The following OR51B5 variants were observed in gnomAD, a reference collection of about 807,000 sequenced individuals.
The protein encoded by OR51B5 is olfactory receptor family 51 subfamily B member 5, also known as olfactory receptor 51B5.
For synonymous variants in OR51B5, 186 were observed against 144.8 expected (o/e 1.28, Z -2.04); for missense variants, 456 against 374.6 (o/e 1.22, Z -1.79).
intron 1 of OR51B5, among the ~76,000 whole-genome samples, chr11:5,442,866 T>C (rs768825888): frequency 2.0e-5 from 3 of 152,176 alleles, no homozygotes; most frequent in Non-Finnish European, 4.4e-5. Flanking sequence ...CTAATTCACT[T>C]GATCTTCTTG....
intron 1 of OR51B5, among the ~76,000 whole-genome samples, chr11:5,374,374 G>T (rs150740845): frequency 6.6e-6 from 1 of 152,068 alleles, no homozygotes; most frequent in African/African-American, 2.4e-5. Flanking sequence ...CAACCACAAA[G>T]TTGGGGAAAA....
chr11:5,416,079 T>C (rs1179956395), intron 1 of OR51B5, among the ~76,000 whole-genome samples: 1 of 149,316 alleles, frequency 6.7e-6, no homozygotes, highest in Non-Finnish European at 1.5e-5. Context: ...TTATCCACCA[T>C]GATCAAGTGG....
chr11:5,443,876 C>G (rs1451203667), intron 1 of OR51B5, among the ~76,000 whole-genome samples: 3 of 152,064 alleles, frequency 2.0e-5, no homozygotes, highest in Non-Finnish European at 2.9e-5. Context: ...CACACACACA[C>G]ACAGTCACTC....
intron 1 of OR51B5, among the ~76,000 whole-genome samples, chr11:5,371,405 T>C (rs953702358): frequency 1.3e-5 from 2 of 152,058 alleles, no homozygotes; most frequent in African/African-American, 4.8e-5. Flanking sequence ...GCCGGAGATA[T>C]AAAATTTCAA....
chr11:5,413,601 G>T (rs1384578848), intron 1 of OR51B5, among the ~76,000 whole-genome samples: 1 of 152,182 alleles, frequency 6.6e-6, no homozygotes, highest in Non-Finnish European at 1.5e-5. Flanking sequence ...AGCTGATGGA[G>T]CTGAAAGCCA....
intron 1 of OR51B5, among the ~76,000 whole-genome samples, chr11:5,483,367 GGA>G (rs1384812538): frequency 6.0e-5 from 6 of 99,528 alleles, no homozygotes; most frequent in Non-Finnish European, 1.1e-4. Flanking sequence ...TGGGGTGGGG[GGA>G]GGGGGGAGGG....
intron 1 of OR51B5, among the ~76,000 whole-genome samples, chr11:5,434,544 C>A (rs564008845): frequency 3.1e-4 from 47 of 152,272 alleles, no homozygotes; most frequent in Non-Finnish European, 5.6e-4. Flanking sequence ...ATTATCTCTC[C>A]TGAAGATCCT....
intron 1 of OR51B5, chr11:5,430,608 C>T (rs1025154264): frequency 1.9e-5 from 8 of 411,570 alleles, no homozygotes; most frequent in East Asian, 1.4e-4. Flanking sequence ...GAAACATTAT[C>T]GGAATTTATG....
At chr11:5,400,960 G>A (rs556474945) in intron 1 of OR51B5, among the ~76,000 whole-genome samples, 6 of 152,330 alleles carry the variant, frequency 3.9e-5, no homozygotes, top group African/African-American at 7.2e-5. Flanking sequence ...ATGTTTGTTC[G>A]TGTGTGAATA....
chr11:5,346,262 C>A (rs1848988772), upstream of OR51B5: 1 of 152,080 alleles, frequency 6.6e-6, no homozygotes, highest in Admixed American at 6.6e-5. Flanking sequence ...GCAGACATAC[C>A]TGGTAATGCA....
At chr11:5,386,530 C>T (rs1250328671) in intron 1 of OR51B5, among the ~76,000 whole-genome samples, 2 of 152,166 alleles carry the variant, frequency 1.3e-5, no homozygotes, top group African/African-American at 4.8e-5. Context: ...ATAAATTGGA[C>T]TATCACCACA....
chr11:5,433,731 C>G (rs1850561326), intron 1 of OR51B5, among the ~76,000 whole-genome samples: 1 of 151,984 alleles, frequency 6.6e-6, no homozygotes, highest in Non-Finnish European at 1.5e-5. Context: ...ACTTGGGAAG[C>G]TGAAGCAGAA....
chr11:5,435,960 G>T (rs1850586693), intron 1 of OR51B5, among the ~76,000 whole-genome samples: 1 of 152,070 alleles, frequency 6.6e-6, no homozygotes, highest in African/African-American at 2.4e-5. Flanking sequence ...GGTTCATCCT[G>T]TCCTTCTCAA....
chr11:5,488,856 G>C (rs1851534350), intron 1 of OR51B5: 3 of 1,613,990 alleles, frequency 1.9e-6, no homozygotes, highest in East Asian at 2.2e-5. Context: ...CCCTCATCCT[G>C]GTCATTGCCA....
intron 1 of OR51B5, among the ~76,000 whole-genome samples, chr11:5,356,031 CA>C (rs891746137): frequency 4.0e-5 from 6 of 151,764 alleles, no homozygotes. Flanking sequence ...TGGGGAAAAA[CA>C]GAGCAGAAAA....
At chr11:5,395,573 T>C (rs781746406) in intron 1 of OR51B5, among the ~76,000 whole-genome samples, 1 of 152,094 alleles carries the variant, frequency 6.6e-6, no homozygotes, top group African/African-American at 2.4e-5. Context: ...TGATACAGGG[T>C]TGTGGCAGGC....
intron 1 of OR51B5, among the ~76,000 whole-genome samples, chr11:5,373,511 C>T (rs1389641829): frequency 3.3e-5 from 5 of 152,020 alleles, no homozygotes; most frequent in African/African-American, 7.3e-5. Context: ...ATGCACCAGC[C>T]GAAGCAGGGT....
intron 1 of OR51B5, chr11:5,468,719 C>T: frequency 2.2e-6 from 1 of 456,572 alleles, no homozygotes; most frequent in Non-Finnish European, 4.4e-6. Context: ...AAGCCTCTCA[C>T]CCCTGGAGGC....
At chr11:5,343,809 T>G (rs1485858423), upstream of OR51B5, among the ~76,000 whole-genome samples, 2 of 152,236 alleles carry the variant, frequency 1.3e-5, no homozygotes, top group Non-Finnish European at 2.9e-5. Flanking sequence ...AAAAAAATTA[T>G]GTAAACTACA....
Sources: gnomAD v4.1 joint callset for allele counts (sites outside exome capture counted in the v4.1 genomes callset) on GRCh38, gnomAD v4.1.1 for gene constraint, MANE v1.5 for transcripts, NCBI Gene and HGNC (gene_info 2026-07-23, HGNC 2026-07-21) for gene names.